XPNPEP1: variants seen among roughly 807,000 people sequenced by gnomAD.
The protein encoded by XPNPEP1 is xaa-Pro aminopeptidase 1.
XPNPEP1 carries 39 observed loss-of-function variants against 92.4 expected under a neutral mutation model. The observed-to-expected ratio is 0.42, with a 90% CI of 0.33 to 0.55. XPNPEP1 has a LOEUF of 0.55. Ranked by LOEUF, XPNPEP1 falls within the 20% of genes least tolerant of loss-of-function variation. The pLI is 0.08. For missense variants in XPNPEP1, 654 were observed against 856.1 expected (o/e 0.76, Z 2.95); for synonymous variants, 307 against 299.4 (o/e 1.03, Z -0.26).
chr10:109,884,022 T>C, intron 9 of XPNPEP1, 45 bp downstream of exon 9: 3 of 1,591,088 alleles, frequency 1.9e-6, no homozygotes, highest in Non-Finnish European at 2.6e-6. Context: ...ACTAGGGCTC[T>C]GAGGAGCTCT....
rs368434482 is a variant in XPNPEP1, at chr10:109,879,311, C to G, written c.1182+877G>C. ...TAAAGTCCAGGCATGGTGGCTCATG[C>G]CTGTAATCCCAGCACTTTGGGAGGC... On this transcript the variant is annotated intron_variant, in intron 12 of 20. Coordinates refer to ENST00000502935, the MANE Select transcript of XPNPEP1 (RefSeq NM_020383.4). Among the ~76,000 whole-genome samples the G allele has an allele frequency of 2.0e-5, 3 of 151,806 alleles. No homozygotes were observed. The East Asian group carries it at 5.8e-4, about 29-fold the overall frequency.
At chr10:109,885,626 G>C (rs1848347933) in intron 8 of XPNPEP1, among the ~76,000 whole-genome samples, 2 of 152,226 alleles carry the variant, frequency 1.3e-5, no homozygotes, top group Non-Finnish European at 2.9e-5. Flanking sequence ...AAGGCAAAAA[G>C]ATAAAGCAGT....
chr10:109,903,329 C>A (rs542470898), intron 3 of XPNPEP1, among the ~76,000 whole-genome samples: 2 of 152,312 alleles, frequency 1.3e-5, no homozygotes, highest in South Asian at 4.1e-4. Flanking sequence ...TATTAGGAGT[C>A]TTCAGCTGAG....
chr10:109,865,138 C>T lies in XPNPEP1; in HGVS notation c.*46G>A. On this transcript the variant is annotated 3_prime_UTR_variant, in exon 21 of 21. Coordinates refer to ENST00000502935, the MANE Select transcript of XPNPEP1 (RefSeq NM_020383.4). The stretch of plus-strand genomic sequence containing the variant: ...ATGTCAGGGATCTGCCACGTTTCTT[C>T]CTTCCTCCAGAGCATTTTACAAAAA... The T allele has an allele frequency of 1.2e-6, 2 of 1,609,512 alleles. No individual in the cohort carries two copies. The highest frequency in any genetic ancestry group is 1.7e-6 in the Non-Finnish European group (2 of 1,176,182).
intron 12 of XPNPEP1, 35 bp downstream of exon 12, chr10:109,880,153 T>A (rs776990153): frequency 6.2e-7 from 1 of 1,605,686 alleles, no homozygotes; most frequent in South Asian, 1.1e-5. Flanking sequence ...CTGAATAATG[T>A]ATATCCACAT....
intron 17 of XPNPEP1, among the ~76,000 whole-genome samples, chr10:109,871,503 A>G (rs542485636): frequency 1.3e-5 from 2 of 152,340 alleles, no homozygotes; most frequent in East Asian, 1.9e-4. Flanking sequence ...TGTGACCTTC[A>G]TATCTGGTTT....
chr10:109,904,277 C>T (rs1455149818), intron 3 of XPNPEP1, among the ~76,000 whole-genome samples: 1 of 150,254 alleles, frequency 6.7e-6, no homozygotes, highest in Admixed American at 6.7e-5. Context: ...CATGCCACCA[C>T]CCCGATTCCA....
At chr10:109,904,065 G>A (rs557988613) in intron 3 of XPNPEP1, among the ~76,000 whole-genome samples, 57 of 151,110 alleles carry the variant, frequency 3.8e-4, no homozygotes, top group African/African-American at 1.3e-3. Flanking sequence ...GCCTGGTTTC[G>A]AACTCCTGAC....
chr10:109,915,509 C>T (rs1224012384), intron 1 of XPNPEP1, among the ~76,000 whole-genome samples: 1 of 151,954 alleles, frequency 6.6e-6, no homozygotes, highest in African/African-American at 2.4e-5. Flanking sequence ...TTTATAATTT[C>T]TCCCATACTT....
intron 1 of XPNPEP1, among the ~76,000 whole-genome samples, chr10:109,917,528 C>T (rs999901990): frequency 3.3e-5 from 5 of 152,198 alleles, no homozygotes; most frequent in Admixed American, 3.3e-4. Flanking sequence ...GGAAGGTTTA[C>T]TATTGGTAAG....
chr10:109,868,693 C>G lies in XPNPEP1; in HGVS notation c.1793G>C (p.Gly598Ala). Residue 598 changes from glycine to alanine, a missense_variant, in exon 20 of 21, where the codon GGA becomes GCA. Gly to Ala is a moderately conservative substitution (Grantham distance 60). Coordinates refer to ENST00000502935, the MANE Select transcript of XPNPEP1 (RefSeq NM_020383.4). ...VKTKYNFNNR[G>A]SLTFEPLTLV... ...TGTTAGAGGTTCAAAGGTCAGGCTT[C>G]CCCGGTTATTAAAATTATACTGCGG... The G allele has an allele frequency of 6.2e-7, 1 of 1,613,950 alleles. No individual in the cohort carries two copies.
Position 109,865,057 on chromosome 10 carries a change from T to TTA in XPNPEP1, c.*126_*127insTA, listed in dbSNP as rs1847056469. 2.2e-6 allele frequency: 3 copies of TTA among 1,338,410 alleles called. No homozygotes were observed. The highest frequency in any genetic ancestry group is 2.1e-6 in the Non-Finnish European group (2 of 973,820). The allele number at this position is 1,338,410 out of a possible 1,614,324, so 82.9% of individuals were successfully genotyped here. On this transcript the variant is annotated 3_prime_UTR_variant, in exon 21 of 21. Coordinates refer to ENST00000502935, the MANE Select transcript of XPNPEP1 (RefSeq NM_020383.4). ...AGAGGATAAGAAGATTTTCTGTTCT[T>TTA]CTTAAAGTCTAAAGTAAAAAGGGGA...
At chr10:109,907,964 G>C (rs1849649798) in intron 2 of XPNPEP1, 149 bp from the exon 3 acceptor site, 5 of 1,116,018 alleles carry the variant, frequency 4.5e-6, no homozygotes, top group Admixed American at 2.6e-5. Context: ...ACCAGACCAA[G>C]ACCAAAGCTG....
In XPNPEP1 at chr10:109,878,027, G is replaced by A. The variant is rs1847880094; in HGVS notation, c.1214C>T (p.Ala405Val). Residue 405 changes from alanine to valine, a missense_variant, in exon 13 of 21, where the codon GCT becomes GTT. Physicochemically the swap from Ala to Val is moderately conservative, Grantham distance 64. Coordinates refer to ENST00000502935, the MANE Select transcript of XPNPEP1 (RefSeq NM_020383.4). ...GCGAAACTCCTCAGCTTTGTCAGCAGCTGAGATCTCTGTCACACCACCTTT... is the reference window on the plus strand; with the variant it reads ...GCGAAACTCCTCAGCTTTGTCAGCAACTGAGATCTCTGTCACACCACCTTT... ...VPKGGVTEIS[A>V]ADKAEEFRRQ... 1.5e-5 allele frequency: 24 copies of A among 1,614,094 alleles called. No individual in the cohort carries two copies. The highest frequency in any genetic ancestry group is 2.0e-5 in the Non-Finnish European group (24 of 1,180,046).
At chr10:109,889,823 G>A (rs942269915) in intron 5 of XPNPEP1, among the ~76,000 whole-genome samples, 1 of 152,122 alleles carries the variant, frequency 6.6e-6, no homozygotes, top group Non-Finnish European at 1.5e-5. Context: ...CCATAGAAGG[G>A]AAGTGCAAAG....
At chr10:109,892,881 G>A (rs1848776261) in intron 4 of XPNPEP1, 131 bp downstream of exon 4, 1 of 877,266 alleles carries the variant, frequency 1.1e-6, no homozygotes, top group Non-Finnish European at 1.8e-6. Context: ...ACACCTTTCT[G>A]CAGAGAGTCA....
At chr10:109,878,207 A>C in intron 12 of XPNPEP1, 149 bp from the exon 13 acceptor site, 1 of 767,474 alleles carries the variant, frequency 1.3e-6, no homozygotes, top group Non-Finnish European at 2.2e-6. Context: ...GCAAGGGAGA[A>C]CTCCCAAAGG....
At chr10:109,909,100 CT>C (rs1039071282) in intron 2 of XPNPEP1, among the ~76,000 whole-genome samples, 69 of 152,180 alleles carry the variant, frequency 4.5e-4, no homozygotes, top group African/African-American at 1.2e-3. Context: ...GAAGCCCCGT[CT>C]CTACTAAAAA....
In XPNPEP1 at chr10:109,864,856, A is replaced by T. The variant is rs1454427901; in HGVS notation, c.*328T>A. 1 of 338,724 alleles carries T rather than the reference A, an allele frequency of 3.0e-6. No homozygotes were observed. Among genetic ancestry groups the T allele is most frequent in the Non-Finnish European group, 5.6e-6 (1 of 177,034 alleles). 21.0% of individuals were successfully genotyped at this position (338,724 alleles called of 1,614,324 possible). ...ATGATGTACTAGCACCTGGAACATGACCATCATGGAGCACTCACTGATTCC... is the reference window on the plus strand; with the variant it reads ...ATGATGTACTAGCACCTGGAACATGTCCATCATGGAGCACTCACTGATTCC... On this transcript the variant is annotated 3_prime_UTR_variant, in exon 21 of 21. Coordinates refer to ENST00000502935, the MANE Select transcript of XPNPEP1 (RefSeq NM_020383.4).
Sources: allele counts gnomAD v4.1 joint callset (sites outside exome capture counted in the v4.1 genomes callset), GRCh38; gene constraint gnomAD v4.1.1; transcripts MANE v1.5; gene names NCBI Gene and HGNC (gene_info 2026-07-23, HGNC 2026-07-21).